The following ATP5F1A variants were observed in gnomAD, a reference collection of about 807,000 sequenced individuals.
The protein encoded by ATP5F1A is ATP synthase F(1) complex subunit alpha, mitochondrial.
A neutral mutation model predicts 57.4 loss-of-function variants in ATP5F1A; 24 were observed. That is an observed-to-expected ratio of 0.42 (90% CI 0.30 to 0.59). The LOEUF is 0.59. Among genes scored for constraint, ATP5F1A ranks in the 20% least tolerant of loss-of-function variants. The pLI is 0.19. For missense variants in ATP5F1A, 494 were observed against 707.9 expected (o/e 0.70, Z 3.43); for synonymous variants, 251 against 255.5 (o/e 0.98, Z 0.17).
chr18:46,082,035 A>G lies in ATP5F1A; in HGVS notation c.*2247T>C, dbSNP rs1909780217. 1 of 151,042 alleles carries G rather than the reference A, an allele frequency of 6.6e-6. No homozygotes were observed. The highest frequency in any genetic ancestry group is 2.4e-5 in the African/African-American group (1 of 41,152). The allele number at this position is 151,042 out of a possible 1,614,324, so 9.4% of individuals were successfully genotyped here. On this transcript the variant is annotated 3_prime_UTR_variant, in exon 12 of 12. Coordinates refer to ENST00000398752, the MANE Select transcript of ATP5F1A (RefSeq NM_004046.6). ...AACCCTAGGAAAAATATTTTAGAACATGACCATGTATGACCCTTACAGACA... is the reference window on the plus strand; with the variant it reads ...AACCCTAGGAAAAATATTTTAGAACGTGACCATGTATGACCCTTACAGACA...
chr18:46,092,036 T>C (rs1910592420), intron 2 of ATP5F1A, 185 bp from the exon 3 acceptor site: 3 of 420,976 alleles, frequency 7.1e-6, no homozygotes, highest in South Asian at 4.2e-5. Flanking sequence ...CTGGGCATGG[T>C]GGCACATGCC....
chr18:46,095,545 G>A (rs1910883651), intron 1 of ATP5F1A, among the ~76,000 whole-genome samples: 2 of 151,792 alleles, frequency 1.3e-5, no homozygotes, highest in Non-Finnish European at 2.9e-5. Context: ...TCGAACTCCT[G>A]ACCTCAAGTG....
In ATP5F1A at chr18:46,089,473, T is replaced by C. The variant is rs572261708; in HGVS notation, c.650+93A>G. The stretch of plus-strand genomic sequence containing the variant: ...TTAATCCTCGTATTAGATTCTAATG[T>C]CCCCATTACCATTTACCATTCCAAG... On this transcript the variant is annotated intron_variant, in intron 5 of 11. Transcript: ENST00000398752. 4.4e-5 allele frequency: 62 copies of C among 1,401,868 alleles called. 1 individual carries two copies. The highest frequency in any genetic ancestry group is 5.0e-4 in the Middle Eastern group (2 of 4,022). The allele number at this position is 1,401,868 out of a possible 1,614,324, so 86.8% of individuals were successfully genotyped here. A position where few individuals can be genotyped will look rare whatever the true frequency, so the allele number is the denominator to read the frequency against.
At chr18:46,084,478 A>G in intron 11 of ATP5F1A, 26 bp downstream of exon 11, 1 of 1,577,524 alleles carries the variant, frequency 6.3e-7, no homozygotes, top group Non-Finnish European at 8.6e-7. Context: ...AACTTTAAAA[A>G]AAGATGCCAA....
rs1350927644 is a variant in ATP5F1A, at chr18:46,083,437, G to C, written c.*845C>G. ...CCTGGGTGAGAGAGATGGAGACCCT[G>C]TCACAAAACAAACAAAAGAGATATT... On this transcript the variant is annotated 3_prime_UTR_variant, in exon 12 of 12. Coordinates refer to ENST00000398752, the MANE Select transcript of ATP5F1A (RefSeq NM_004046.6). The C allele has an allele frequency of 6.6e-6, 1 of 152,196 alleles. No homozygotes were observed. The highest frequency in any genetic ancestry group is 1.5e-5 in the Non-Finnish European group (1 of 68,040). The allele number at this position is 152,196 out of a possible 1,614,324, so 9.4% of individuals were successfully genotyped here. A position where few individuals can be genotyped will look rare whatever the true frequency, so the allele number is the denominator to read the frequency against.
At position 46,089,352 on chromosome 18, in the gene ATP5F1A, T is replaced by C. The variant is rs956502307; in HGVS notation, c.650+214A>G. 40 of 558,470 alleles carry C rather than the reference T, an allele frequency of 7.2e-5. No homozygotes were observed. The South Asian group carries it at 7.2e-4, about 10-fold the overall frequency. 34.6% of individuals were successfully genotyped at this position (558,470 alleles called of 1,614,324 possible). On this transcript the variant is annotated intron_variant, in intron 5 of 11. Coordinates refer to ENST00000398752, the MANE Select transcript of ATP5F1A (RefSeq NM_004046.6). ...CACGACCCTGGGATTAAGAGTCCCA[T>C]GCTCTACCGACTGAGCTAGCTCGTC...
rs1909722280 is a variant in ATP5F1A, at chr18:46,081,202, G to A, written c.*3080C>T. On this transcript the variant is annotated 3_prime_UTR_variant, in exon 12 of 12. Transcript: ENST00000398752. ...TAACATTTGGAATTTGATTTATAATGGACAAACATGGTTGTCTTCATTTGA... is the reference window on the plus strand; with the variant it reads ...TAACATTTGGAATTTGATTTATAATAGACAAACATGGTTGTCTTCATTTGA... The A allele has an allele frequency of 6.7e-6, 1 of 149,456 alleles. No homozygotes were observed. The highest frequency in any genetic ancestry group is 1.5e-5 in the Non-Finnish European group (1 of 67,602). 9.3% of individuals were successfully genotyped at this position (149,456 alleles called of 1,614,324 possible). A position where few individuals can be genotyped will look rare whatever the true frequency, so the allele number is the denominator to read the frequency against.
At chr18:46,091,897 G>T in intron 2 of ATP5F1A, 46 bp from the exon 3 acceptor site, 1 of 1,567,782 alleles carries the variant, frequency 6.4e-7, no homozygotes, top group Non-Finnish European at 8.7e-7. Context: ...TCTGGGCCAG[G>T]CACAGTGGCT....
upstream of ATP5F1A, among the ~76,000 whole-genome samples, chr18:46,098,661 G>T (rs992423905): frequency 6.6e-6 from 1 of 152,058 alleles, no homozygotes; most frequent in Non-Finnish European, 1.5e-5. Context: ...GATTAATAGT[G>T]TCGGTAGTGT....
At position 46,098,247 on chromosome 18, in the gene ATP5F1A, G is replaced by A. The variant is rs1160968193; in HGVS notation, c.-16C>T. The A allele has an allele frequency of 3.7e-6, 6 of 1,602,474 alleles. No individual in the cohort carries two copies. The highest frequency in any genetic ancestry group is 1.3e-5 in the African/African-American group (1 of 74,788). Reference sequence around the variant, plus strand: ...CGGACAGCATCTTTGCAGTTACTCCGCAGGCGGTACTTCTGCAGCCGCAGC... The same window carrying A: ...CGGACAGCATCTTTGCAGTTACTCCACAGGCGGTACTTCTGCAGCCGCAGC... On this transcript the variant is annotated 5_prime_UTR_variant, in exon 1 of 12. Transcript: ENST00000398752.
chr18:46,095,328 C>A (rs1910862219), intron 1 of ATP5F1A, among the ~76,000 whole-genome samples, 197 bp from the exon 2 acceptor site: 1 of 152,146 alleles, frequency 6.6e-6, no homozygotes. Flanking sequence ...TCCTAGTACA[C>A]AGTAAACACT....
chr18:46,094,166 C>CAT (rs1910768787), intron 2 of ATP5F1A, among the ~76,000 whole-genome samples: 1 of 60,094 alleles, frequency 1.7e-5, no homozygotes, highest in African/African-American at 4.8e-5. Flanking sequence ...TGTACACATA[C>CAT]ACACACACAC....
intron 10 of ATP5F1A, 174 bp from the exon 11 acceptor site, chr18:46,084,828 G>T: frequency 3.4e-6 from 2 of 587,034 alleles, no homozygotes; most frequent in Non-Finnish European, 2.7e-6. Flanking sequence ...TCCCACCCCT[G>T]ACAGAAAACA....
intron 10 of ATP5F1A, chr18:46,085,793 C>T (rs557043440): frequency 1.3e-4 from 30 of 236,526 alleles, no homozygotes; most frequent in African/African-American, 6.2e-4. Flanking sequence ...ATTAGTCGGG[C>T]GTGGTGGCTC....
chr18:46,100,038 G>C (rs184762942), upstream of ATP5F1A, among the ~76,000 whole-genome samples: 151 of 151,852 alleles, frequency 9.9e-4, 4 homozygotes, highest in East Asian at 0.023. Context: ...ATCACCTGAG[G>C]TCAGGAGTTC....
In ATP5F1A at chr18:46,084,594, T is replaced by C. The variant is rs1909948460; in HGVS notation, c.1490A>G (p.Asp497Gly). The change falls in exon 11 of 12, where the codon GAT (aspartate) becomes GGT (glycine). Residue 497 changes from aspartate to glycine, a missense_variant. Coordinates refer to ENST00000398752, the MANE Select transcript of ATP5F1A (RefSeq NM_004046.6). ...TGTAATCTTGCTGGGCTCCAGTTTATCAAGATATCCCCTTACACCCGCATA... is the reference window on the plus strand; with the variant it reads ...TGTAATCTTGCTGGGCTCCAGTTTACCAAGATATCCCCTTACACCCGCATA... Reference protein sequence around the residue: ...VIYAGVRGYLDKLEPSKITKF... With the variant: ...VIYAGVRGYLGKLEPSKITKF... The C allele has an allele frequency of 6.2e-7, 1 of 1,612,500 alleles. No homozygotes were observed. Among genetic ancestry groups the C allele is most frequent in the African/African-American group, 1.3e-5 (1 of 74,824 alleles).
At chr18:46,097,487 C>T (rs146093758) in intron 1 of ATP5F1A, among the ~76,000 whole-genome samples, 1 of 152,110 alleles carries the variant, frequency 6.6e-6, no homozygotes, top group Non-Finnish European at 1.5e-5. Flanking sequence ...AGGACAAATT[C>T]TTTAAACACG....
At position 46,084,543 on chromosome 18, in the gene ATP5F1A, T is replaced by C; in HGVS notation, c.1541A>G (p.His514Arg). The C allele has an allele frequency of 6.2e-7, 1 of 1,611,694 alleles. No individual in the cohort carries two copies. Among genetic ancestry groups the C allele is most frequent in the Non-Finnish European group, 8.5e-7 (1 of 1,179,366 alleles). ...CAAGGCTTGGTGCTGGCTGACGACA[T>C]GAGACAAGAAAGCATTCTCAAACTT... ...ITKFENAFLS[H>R]VVSQHQALLG... The change falls in exon 11 of 12, where the codon CAT becomes CGT. Residue 514 changes from histidine (H) to arginine (R), a missense_variant. By Grantham distance (29) the His-to-Arg change is conservative. Transcript: ENST00000398752.
At chr18:46,098,707 A>G (rs1911165627), upstream of ATP5F1A, among the ~76,000 whole-genome samples, 1 of 152,114 alleles carries the variant, frequency 6.6e-6, no homozygotes, top group African/African-American at 2.4e-5. Context: ...AACAGTGAAC[A>G]GCTAAACCCC....
Sources: allele counts gnomAD v4.1 joint callset (sites outside exome capture counted in the v4.1 genomes callset), GRCh38; gene constraint gnomAD v4.1.1; transcripts MANE v1.5; gene names NCBI Gene and HGNC (gene_info 2026-07-23, HGNC 2026-07-21).